NCOA2: variants seen among roughly 807,000 people sequenced by gnomAD.
NCOA2 encodes nuclear receptor coactivator 2.
In NCOA2, 21 loss-of-function variants were observed where a neutral mutation model predicts 145.1. The observed-to-expected ratio is 0.14, with a 90% CI of 0.10 to 0.21. NCOA2 has a LOEUF of 0.21. Ranked by LOEUF, NCOA2 falls within the 10% of genes least tolerant of loss-of-function variation. NCOA2 has a pLI of 1.00. For missense variants in NCOA2, 1,472 were observed against 1,837.6 expected, an observed-to-expected ratio of 0.80 and a Z score of 3.64; for synonymous variants, 619 against 637.5, an observed-to-expected ratio of 0.97 and a Z score of 0.44.
chr8:70,223,925 C>G (rs968599060), intron 2 of NCOA2, among the ~76,000 whole-genome samples: 1 of 152,194 alleles, frequency 6.6e-6, no homozygotes, highest in Non-Finnish European at 1.5e-5. Context: ...TTAACTTAGT[C>G]AACAGTGACT....
chr8:70,245,285 T>C (rs554336702), intron 2 of NCOA2: 1 of 152,234 alleles, frequency 6.6e-6, no homozygotes, highest in East Asian at 1.9e-4. Flanking sequence ...CAAATCCTTT[T>C]TTAGCTGCTG....
Position 70,229,819 on chromosome 8 carries a change from C to T in NCOA2, c.-19-13055G>A, listed in dbSNP as rs894233325. On this transcript the variant is annotated intron_variant, in intron 2 of 22. Transcript: ENST00000452400. ...CACAGCATCAGCTTGCCAAGCCTTC[C>T]CCATGATTCTGATGCTTGCTGAGAT... Among the ~76,000 whole-genome samples, 3 of 152,250 alleles carry T rather than the reference C, an allele frequency of 2.0e-5. No individual in the cohort carries two copies. In the Middle Eastern group the frequency reaches 0.01, roughly 518 times the overall value.
intron 4 of NCOA2, among the ~76,000 whole-genome samples, chr8:70,212,666 GCAGA>G (rs1483696449): frequency 6.6e-6 from 1 of 152,142 alleles, no homozygotes; most frequent in Non-Finnish European, 1.5e-5. Context: ...ACAGATAAGA[GCAGA>G]CAGTTTCAGG....
chr8:70,290,403 T>C (rs1018135110), intron 2 of NCOA2, among the ~76,000 whole-genome samples: 1 of 152,112 alleles, frequency 6.6e-6, no homozygotes, highest in African/African-American at 2.4e-5. Context: ...TTAGCCAGGA[T>C]GGTCTCGATC....
the NCOA2 span, among the ~76,000 whole-genome samples, chr8:70,451,237 A>ATATATAT: frequency 5.8e-5 from 4 of 69,518 alleles, no homozygotes; most frequent in Non-Finnish European, 1.0e-4. Flanking sequence ...AAAAAAAAAA[A>ATATATAT]ATATATATAT....
At chr8:70,273,074 T>A (rs1825178609) in intron 2 of NCOA2, among the ~76,000 whole-genome samples, 1 of 152,238 alleles carries the variant, frequency 6.6e-6, no homozygotes, top group African/African-American at 2.4e-5. Context: ...AATGATTGTG[T>A]ATATAAATCT....
At chr8:70,435,424 C>CAAAA in the NCOA2 span, among the ~76,000 whole-genome samples, 286 of 20,154 alleles carry the variant, frequency 0.014, 44 homozygotes, top group African/African-American at 0.058. Context: ...GACTCCGTCT[C>CAAAA]AAAAAAAAAA....
At chr8:70,295,512 T>C (rs952791147) in intron 2 of NCOA2, among the ~76,000 whole-genome samples, 3 of 152,200 alleles carry the variant, frequency 2.0e-5, no homozygotes, top group Non-Finnish European at 2.9e-5. Flanking sequence ...AATGTGGAAT[T>C]GGAAGAGTTA....
At chr8:70,433,255 A>G in the NCOA2 span, among the ~76,000 whole-genome samples, 1 of 152,160 alleles carries the variant, frequency 6.6e-6, no homozygotes, top group Non-Finnish European at 1.5e-5. Flanking sequence ...GTCAAAATAT[A>G]TTTATTGAGC....
intron 2 of NCOA2, among the ~76,000 whole-genome samples, chr8:70,259,452 G>A (rs911655476): frequency 6.6e-6 from 1 of 151,828 alleles, no homozygotes; most frequent in African/African-American, 2.4e-5. Flanking sequence ...ATGATACCTT[G>A]GTACATAATG....
intron 11 of NCOA2, among the ~76,000 whole-genome samples, chr8:70,149,697 C>T (rs900849829): frequency 6.6e-6 from 1 of 151,998 alleles, no homozygotes; most frequent in Admixed American, 6.5e-5. Context: ...TACAGATATT[C>T]TTTTAAATAT....
intron 3 of NCOA2, among the ~76,000 whole-genome samples, chr8:70,215,149 C>G (rs1185709554): frequency 6.6e-6 from 1 of 152,040 alleles, no homozygotes; most frequent in Non-Finnish European, 1.5e-5. Context: ...TTACCCGTAG[C>G]TTCTGTTTTT....
At chr8:70,183,547 C>G (rs1585995900) in intron 4 of NCOA2, among the ~76,000 whole-genome samples, 1 of 152,156 alleles carries the variant, frequency 6.6e-6, no homozygotes. Context: ...CCCATTATTC[C>G]TAGCTTATAC....
chr8:70,174,984 T>C (rs1480248056), intron 4 of NCOA2, 125 bp from the exon 5 acceptor site: 10 of 824,156 alleles, frequency 1.2e-5, no homozygotes, highest in Non-Finnish European at 2.0e-5. Context: ...ACAAAAGAGT[T>C]ACAGTACATC....
At chr8:70,417,336 G>A in the NCOA2 span, among the ~76,000 whole-genome samples, 1 of 151,094 alleles carries the variant, frequency 6.6e-6, no homozygotes, top group Admixed American at 6.6e-5. Context: ...ATCACCTGAG[G>A]TCAGGAGTTT....
intron 12 of NCOA2, among the ~76,000 whole-genome samples, chr8:70,147,427 G>C (rs1811224735): frequency 6.6e-6 from 1 of 152,152 alleles, no homozygotes; most frequent in African/African-American, 2.4e-5. Context: ...CAAATGCCAG[G>C]TATTGGCTCA....
chr8:70,151,139 G>A (rs962491899), intron 11 of NCOA2, among the ~76,000 whole-genome samples: 12 of 152,272 alleles, frequency 7.9e-5, no homozygotes, highest in African/African-American at 2.6e-4. Flanking sequence ...TTACTTTTAA[G>A]AGAAATATCC....
chr8:70,406,340 T>C (rs1379002538), upstream of NCOA2, among the ~76,000 whole-genome samples: 1 of 152,196 alleles, frequency 6.6e-6, no homozygotes, highest in Non-Finnish European at 1.5e-5. Context: ...AACAATTGTT[T>C]ATTAAAACTA....
intron 2 of NCOA2, among the ~76,000 whole-genome samples, chr8:70,250,993 T>C (rs982003671): frequency 6.6e-6 from 1 of 152,212 alleles, no homozygotes; most frequent in Non-Finnish European, 1.5e-5. Context: ...AAAGTAATAC[T>C]GCCCATTTGA....
Sources: allele counts gnomAD v4.1 joint callset (sites outside exome capture counted in the v4.1 genomes callset), GRCh38; gene constraint gnomAD v4.1.1; transcripts MANE v1.5; gene names NCBI Gene and HGNC (gene_info 2026-07-23, HGNC 2026-07-21).